Variants in ANKS1B observed in about 807,000 individuals in gnomAD.
ANKS1B encodes the protein ankyrin repeat and sterile alpha motif domain-containing protein 1B.
In ANKS1B, 36 loss-of-function variants were observed where a neutral mutation model predicts 148.3. The ratio of observed to expected loss-of-function variants is 0.24; its 90% CI spans 0.19 to 0.32. ANKS1B has a LOEUF of 0.32. ANKS1B is among the 10% of genes least tolerant of loss of function. The pLI is 1.00. For synonymous variants in ANKS1B, 542 were observed against 560.8 expected, an observed-to-expected ratio of 0.97 and a Z score of 0.47; for missense variants, 1,157 against 1,542.6, an observed-to-expected ratio of 0.75 and a Z score of 4.19.
chr12:98,744,811 C>G lies in ANKS1B; in HGVS notation c.*928G>C. 1.1e-6 allele frequency: 1 copy of G among 937,372 alleles called. No homozygotes were observed. The highest frequency in any genetic ancestry group is 1.3e-6 in the Non-Finnish European group (1 of 788,904). The allele number at this position is 937,372 out of a possible 1,614,324, so 58.1% of individuals were successfully genotyped here. On this transcript the variant is annotated 3_prime_UTR_variant, in exon 27 of 27. Coordinates refer to ENST00000683438, the MANE Select transcript of ANKS1B (RefSeq NM_001352186.2). The stretch of plus-strand genomic sequence containing the variant: ...GAGCACTAGATTTTTTTTTTTTTAA[C>G]ATGTTCTTTAAAACACTGTGAAGAT...
Position 99,399,722 on chromosome 12 carries a change from C to T in ANKS1B, c.1665G>A (p.Gly555=), listed in dbSNP as rs199933228. The T allele has an allele frequency of 1.9e-6, 3 of 1,613,360 alleles. No individual in the cohort carries two copies. Among genetic ancestry groups the T allele is most frequent in the African/African-American group, 1.3e-5 (1 of 74,876 alleles). ...QEYFEINTST[G]CTSFTASPPA... is the part of the protein sequence containing the mutation. ...GAGGACTGGCAGTAAAGCTTGTGCA[C>T]CCTGTAGATGTGTTGATTTCAAAAT... is the stretch of plus-strand genomic sequence containing the variant. Residue 555 remains glycine (G), a synonymous_variant, in exon 12 of 27, where the codon GGG becomes GGA. Coordinates refer to ENST00000683438, the MANE Select transcript of ANKS1B (RefSeq NM_001352186.2).
At chr12:99,532,875 T>G (rs1250628155) in intron 9 of ANKS1B, among the ~76,000 whole-genome samples, 1 of 152,174 alleles carries the variant, frequency 6.6e-6, no homozygotes. Context: ...CTGTTACATT[T>G]GTCTCTGTGC....
intron 10 of ANKS1B, among the ~76,000 whole-genome samples, chr12:99,466,601 G>T (rs901309096): frequency 6.7e-6 from 1 of 149,956 alleles, no homozygotes; most frequent in African/African-American, 2.5e-5. Context: ...AAATGATAAA[G>T]GGGATATCAC....
At chr12:99,737,149 G>A (rs2059687015) in intron 8 of ANKS1B, among the ~76,000 whole-genome samples, 1 of 152,046 alleles carries the variant, frequency 6.6e-6, no homozygotes, top group South Asian at 2.1e-4. Context: ...ACTAAAAATA[G>A]AACTACCATG....
intron 10 of ANKS1B, among the ~76,000 whole-genome samples, chr12:99,496,882 C>T (rs2096609488): frequency 6.6e-6 from 1 of 152,190 alleles, no homozygotes; most frequent in African/African-American, 2.4e-5. Context: ...CAACCCTCAG[C>T]TGCTCAGCCC....
intron 17 of ANKS1B, among the ~76,000 whole-genome samples, chr12:99,052,498 C>T (rs933944155): frequency 1.0e-4 from 15 of 148,070 alleles, no homozygotes; most frequent in Non-Finnish European, 2.2e-4. Context: ...GAGGCCGAGG[C>T]GGGTGGATCA....
chr12:99,402,327 T>C (rs2094426258), intron 11 of ANKS1B, among the ~76,000 whole-genome samples: 1 of 146,212 alleles, frequency 6.8e-6, no homozygotes, highest in African/African-American at 2.6e-5. Flanking sequence ...TTTTTATATT[T>C]TTATTTTAAG....
chr12:98,746,172 G>A (rs1319006767), intron 26 of ANKS1B, among the ~76,000 whole-genome samples: 1 of 152,156 alleles, frequency 6.6e-6, no homozygotes, highest in Non-Finnish European at 1.5e-5. Context: ...CACACACCTT[G>A]GGAGCCAGGG....
chr12:98,752,777 T>G (rs575856411), intron 25 of ANKS1B, among the ~76,000 whole-genome samples: 3 of 152,034 alleles, frequency 2.0e-5, no homozygotes, highest in African/African-American at 7.2e-5. Flanking sequence ...GGGTTACTAC[T>G]GGTATTTCTG....
chr12:99,922,727 G>A (rs2094388797), intron 1 of ANKS1B, among the ~76,000 whole-genome samples: 1 of 152,122 alleles, frequency 6.6e-6, no homozygotes, highest in African/African-American at 2.4e-5. Context: ...ATGCAATAGT[G>A]TTGAGAGGTG....
chr12:99,280,024 A>T (rs777853544), intron 12 of ANKS1B, among the ~76,000 whole-genome samples: 2 of 152,030 alleles, frequency 1.3e-5, no homozygotes, highest in East Asian at 3.9e-4. Context: ...AAAATAAAAT[A>T]AATAATAATT....
At position 98,801,222 on chromosome 12, in the gene ANKS1B, T is replaced by C; in HGVS notation, c.3142-97A>G. On this transcript the variant is annotated intron_variant, in intron 20 of 26. Coordinates refer to ENST00000683438, the MANE Select transcript of ANKS1B (RefSeq NM_001352186.2). This position sits in a 1 kb window ranked among gnomAD's most constrained non-coding sequence, Gnocchi z 5.2. ...TCACCTTACACACAGGTGCTGTGAA[T>C]GTACCAAAATGCATTTGGGTGTCTT... 1 of 1,236,224 alleles carries C rather than the reference T, an allele frequency of 8.1e-7. No homozygotes were observed. The allele number at this position is 1,236,224 out of a possible 1,614,324, so 76.6% of individuals were successfully genotyped here. A position where few individuals can be genotyped will look rare whatever the true frequency, so the allele number is the denominator to read the frequency against.
At chr12:99,719,452 C>G (rs1427493702) in intron 8 of ANKS1B, among the ~76,000 whole-genome samples, 1 of 152,084 alleles carries the variant, frequency 6.6e-6, no homozygotes, top group Non-Finnish European at 1.5e-5. Flanking sequence ...CTTTCATGTT[C>G]CTCACCCTGA....
intron 8 of ANKS1B, among the ~76,000 whole-genome samples, chr12:99,717,601 C>G (rs1361212971): frequency 6.6e-6 from 1 of 152,230 alleles, no homozygotes; most frequent in Non-Finnish European, 1.5e-5. Flanking sequence ...GCCCCTGGAA[C>G]TCTGGCCCAA....
At chr12:98,927,617 T>C (rs902786323) in intron 17 of ANKS1B, among the ~76,000 whole-genome samples, 4 of 152,076 alleles carry the variant, frequency 2.6e-5, no homozygotes, top group Admixed American at 1.3e-4. Context: ...ATATAATTTC[T>C]ATGACAATAA....
In ANKS1B at chr12:99,931,483, T is replaced by C. The variant is rs901602292; in HGVS notation, c.134+52621A>G. Among the ~76,000 whole-genome samples, 14 of 152,316 alleles carry C rather than the reference T, an allele frequency of 9.2e-5. No homozygotes were observed. In the East Asian group the frequency reaches 2.5e-3, roughly 27 times the overall value. ...AAATATGTCTTGTAATTATGAAACTTTGATATTTTCTGCTATATAGAAGCA... is the reference window on the plus strand; with the variant it reads ...AAATATGTCTTGTAATTATGAAACTCTGATATTTTCTGCTATATAGAAGCA... On this transcript the variant is annotated intron_variant, in intron 1 of 26. Transcript: ENST00000683438.
At chr12:99,428,136 G>C (rs537642453) in intron 11 of ANKS1B, among the ~76,000 whole-genome samples, 20 of 152,136 alleles carry the variant, frequency 1.3e-4, no homozygotes, top group Non-Finnish European at 2.6e-4. Context: ...TCTGGCATTG[G>C]GTGAGTAGGG....
At chr12:99,922,770 T>A (rs2094390498) in intron 1 of ANKS1B, among the ~76,000 whole-genome samples, 1 of 150,814 alleles carries the variant, frequency 6.6e-6, no homozygotes, top group Admixed American at 6.6e-5. Flanking sequence ...GTATGAAGGC[T>A]CTGCCCTTCT....
rs2084285320 is a variant in ANKS1B, at chr12:99,833,051, T to G, written c.135-7662A>C. ...AGTTACTATTACTATTCCCATTGTATAGATGAAAAATATTTGCAATAACAT... is the reference window on the plus strand; with the variant it reads ...AGTTACTATTACTATTCCCATTGTAGAGATGAAAAATATTTGCAATAACAT... On this transcript the variant is annotated intron_variant, in intron 1 of 26. Transcript: ENST00000683438. 2.0e-5 allele frequency among the ~76,000 whole-genome samples: 3 copies of G among 152,200 alleles called. No homozygotes were observed. The South Asian group carries it at 6.2e-4, about 31-fold the overall frequency.
Sources: gnomAD v4.1 joint callset for allele counts (sites outside exome capture counted in the v4.1 genomes callset) on GRCh38, gnomAD v4.1.1 for gene constraint, Gnocchi (gnomAD v3.1) non-coding constraint, MANE v1.5 for transcripts, NCBI Gene and HGNC (gene_info 2026-07-23, HGNC 2026-07-21) for gene names.